Variants in MKLN1 observed in about 807,000 individuals in gnomAD.
MKLN1 encodes the protein muskelin.
In MKLN1, 18 loss-of-function variants were observed where a neutral mutation model predicts 99.0. That is an observed-to-expected ratio of 0.18 (90% CI 0.13 to 0.27). The LOEUF is 0.27. MKLN1 is among the 10% of genes least tolerant of loss of function. MKLN1 has a pLI of 1.00. For missense variants in MKLN1, 621 were observed against 875.9 expected (o/e 0.71, Z 3.67); for synonymous variants, 288 against 293.2 (o/e 0.98, Z 0.18).
At chr7:131,255,326 T>C (rs988520355) in intron 3 of MKLN1, among the ~76,000 whole-genome samples, 2 of 152,092 alleles carry the variant, frequency 1.3e-5, no homozygotes, top group Middle Eastern at 3.2e-3. Flanking sequence ...AAGAGAACCA[T>C]ACCCAGACAC....
chr7:131,183,026 C>T lies in MKLN1; in HGVS notation c.-296-19831C>T, dbSNP rs138576645. ...GAGATGAAATGCACTAGGGGACCTA[C>T]CACACAGCATCAGGTGGATGTGGAG... On this transcript the variant is annotated intron_variant, in intron 2 of 7. Coordinates refer to the MKLN1 transcript ENST00000416992. Among the ~76,000 whole-genome samples, 1,313 of 152,218 alleles carry T rather than the reference C, an allele frequency of 8.6e-3. 10 individuals carry two copies. The highest frequency in any genetic ancestry group is 0.013 in the Non-Finnish European group (918 of 68,012).
intron 3 of MKLN1, among the ~76,000 whole-genome samples, chr7:131,307,710 C>A (rs1279079159): frequency 6.6e-6 from 1 of 152,138 alleles, no homozygotes; most frequent in African/African-American, 2.4e-5. Context: ...GAAGCATTTA[C>A]CCAATACCTG....
intron 2 of MKLN1, among the ~76,000 whole-genome samples, chr7:131,159,761 T>C (rs1796020199): frequency 6.6e-6 from 1 of 152,194 alleles, no homozygotes; most frequent in Non-Finnish European, 1.5e-5. Flanking sequence ...CTATTATATA[T>C]CAATTTTCTT....
chr7:131,344,980 A>G (rs1195502816), intron 1 of MKLN1, among the ~76,000 whole-genome samples: 1 of 151,758 alleles, frequency 6.6e-6, no homozygotes, highest in Non-Finnish European at 1.5e-5. Context: ...TTTTTTTTGT[A>G]TTTTTAGTAA....
chr7:131,325,885 C>T (rs12533559), upstream of MKLN1, among the ~76,000 whole-genome samples: 7,964 of 131,778 alleles, frequency 0.06, 303 homozygotes, highest in Non-Finnish European at 0.078. Context: ...ATGTCAAAAG[C>T]GCAAAGGAGA....
intron 2 of MKLN1, among the ~76,000 whole-genome samples, chr7:131,160,275 C>T (rs1427625298): frequency 2.0e-5 from 3 of 151,978 alleles, no homozygotes; most frequent in African/African-American, 7.2e-5. Flanking sequence ...GAAAAAGATT[C>T]CATTGTATGA....
At chr7:131,367,331 T>C (rs1476975304) in intron 1 of MKLN1, among the ~76,000 whole-genome samples, 1 of 152,250 alleles carries the variant, frequency 6.6e-6, no homozygotes. Context: ...TCAGTTATTA[T>C]TTGCATTTTA....
chr7:131,178,232 T>C (rs1208675379), intron 2 of MKLN1, among the ~76,000 whole-genome samples: 1 of 147,218 alleles, frequency 6.8e-6, no homozygotes, highest in African/African-American at 2.5e-5. Flanking sequence ...TTCTCCTGCC[T>C]CAGCCTCTTG....
At chr7:131,118,448 G>A (rs979618252) in intron 1 of MKLN1, among the ~76,000 whole-genome samples, 3 of 152,098 alleles carry the variant, frequency 2.0e-5, no homozygotes, top group Admixed American at 6.6e-5. Flanking sequence ...AGCTACTCAG[G>A]AGGCTGAGGC....
chr7:131,220,760 A>G (rs1040063796), intron 3 of MKLN1, among the ~76,000 whole-genome samples: 4 of 152,198 alleles, frequency 2.6e-5, no homozygotes, highest in African/African-American at 9.7e-5. Flanking sequence ...CTTAAACAAA[A>G]GCCTTATGAT....
intron 3 of MKLN1, among the ~76,000 whole-genome samples, chr7:131,268,682 A>T (rs1797843658): frequency 6.6e-6 from 1 of 152,064 alleles, no homozygotes; most frequent in African/African-American, 2.4e-5. Context: ...CATGCCTTTG[A>T]CTGAGCTCAG....
intron 3 of MKLN1, among the ~76,000 whole-genome samples, chr7:131,294,368 A>G (rs34701159): frequency 0.44 from 67,244 of 152,000 alleles, 16,368 homozygotes; most frequent in Admixed American, 0.59. Flanking sequence ...GAAAGAGATA[A>G]AGCAAAAGTG....
At position 131,293,352 on chromosome 7, in the gene MKLN1, C is replaced by T. The variant is rs114293000; in HGVS notation, c.-178-82072C>T. ...CTAGCCAATGGTTCTTAATATTATGCCACTGAATTTTGGGATAGTTTGTTA... is the reference window on the plus strand; with the variant it reads ...CTAGCCAATGGTTCTTAATATTATGTCACTGAATTTTGGGATAGTTTGTTA... On this transcript the variant is annotated intron_variant, in intron 3 of 7. Transcript: ENST00000416992. Among the ~76,000 whole-genome samples, 1,032 of 152,300 alleles carry T rather than the reference C, an allele frequency of 6.8e-3. 12 individuals are homozygous for T. Among genetic ancestry groups the T allele is most frequent in the African/African-American group, 0.023 (975 of 41,556 alleles).
Position 131,491,680 on chromosome 7 carries a change from T to C in MKLN1, c.*3952T>C, listed in dbSNP as rs1000616252. 1 of 152,360 alleles carries C rather than the reference T, an allele frequency of 6.6e-6. No individual in the cohort carries two copies. The highest frequency in any genetic ancestry group is 6.5e-5 in the Admixed American group (1 of 15,278). The allele number at this position is 152,360 out of a possible 1,614,324, so 9.4% of individuals were successfully genotyped here. A position where few individuals can be genotyped will look rare whatever the true frequency, so the allele number is the denominator to read the frequency against. ...GCCCTCATTTGTTTTGGGTGAGGAC[T>C]CATTACTGCAGTATATTGATCTCTT... On this transcript the variant is annotated 3_prime_UTR_variant, in exon 18 of 18. Transcript: ENST00000352689.
At chr7:131,246,999 G>A (rs1024334712) in intron 3 of MKLN1, among the ~76,000 whole-genome samples, 2 of 152,112 alleles carry the variant, frequency 1.3e-5, no homozygotes, top group Admixed American at 6.6e-5. Flanking sequence ...TAGTTAGCTT[G>A]TTTTCAGAGC....
chr7:131,399,501 T>C, intron 6 of MKLN1, 68 bp downstream of exon 6: 1 of 1,300,810 alleles, frequency 7.7e-7, no homozygotes. Context: ...TCAAAAATAA[T>C]ATAGGCTTAT....
chr7:131,176,239 T>C (rs1796297420), intron 2 of MKLN1, among the ~76,000 whole-genome samples: 1 of 152,238 alleles, frequency 6.6e-6, no homozygotes, highest in Non-Finnish European at 1.5e-5. Flanking sequence ...CATATTTGTA[T>C]ATATTGAAGT....
At chr7:131,447,020 C>T (rs755940835) in intron 12 of MKLN1, among the ~76,000 whole-genome samples, 1 of 152,086 alleles carries the variant, frequency 6.6e-6, no homozygotes, top group Non-Finnish European at 1.5e-5. Flanking sequence ...AGGATAGGGA[C>T]ACAACAGGAA....
At chr7:131,417,312 AT>A (rs1203420215) in intron 8 of MKLN1, among the ~76,000 whole-genome samples, 2 of 152,186 alleles carry the variant, frequency 1.3e-5, no homozygotes, top group Non-Finnish European at 2.9e-5. Flanking sequence ...GTTAGTAGAT[AT>A]TTTAGTTAGA....
Sources: gnomAD v4.1 joint callset for allele counts (sites outside exome capture counted in the v4.1 genomes callset) on GRCh38, gnomAD v4.1.1 for gene constraint, MANE v1.5 for transcripts, NCBI Gene and HGNC (gene_info 2026-07-23, HGNC 2026-07-21) for gene names.